The following RMST variants were observed in gnomAD, a reference collection of about 807,000 sequenced individuals.
RMST encodes long intergenic non-protein coding RNA 54.
chr12:97,489,397 T>C lies in RMST; in HGVS notation n.645-3064T>C, dbSNP rs145440773. On this transcript the variant is annotated intron_variant and non_coding_transcript_variant, in intron 5 of 13. Coordinates refer to ENST00000640149, the Ensembl canonical transcript of RMST. ...AGGAGATTAAGGCTGCAGTGAGCTG[T>C]GATCGTGCCACTGCACTCCAGCCTG... 7.7e-3 allele frequency among the ~76,000 whole-genome samples: 1,170 copies of C among 151,724 alleles called. 8 individuals carry two copies. Among genetic ancestry groups the C allele is most frequent in the Middle Eastern group, 0.034 (10 of 294 alleles).
intron 11 of RMST, among the ~76,000 whole-genome samples, chr12:97,547,116 T>C (rs1400724885): frequency 6.6e-6 from 1 of 151,322 alleles, no homozygotes; most frequent in East Asian, 1.9e-4. Flanking sequence ...ATAGAAAGAT[T>C]GAACTGGAGG....
At chr12:97,492,355 T>A (rs1876938388) in intron 5 of RMST, 1 of 153,506 alleles carries the variant, frequency 6.5e-6, no homozygotes, top group Admixed American at 6.4e-5. Flanking sequence ...CTGCTCTGCA[T>A]TTTCTTTTCT....
At chr12:97,560,985 G>A (rs2136673831) in exon 13 of RMST, 1 of 152,482 alleles carries the variant, frequency 6.6e-6, no homozygotes, top group Non-Finnish European at 1.5e-5. Flanking sequence ...TGAGAAAGTA[G>A]AGCTCGTGCT....
intron 10 of RMST, among the ~76,000 whole-genome samples, chr12:97,509,473 TAAA>T (rs1879057050): frequency 6.6e-6 from 1 of 152,162 alleles, no homozygotes; most frequent in South Asian, 2.1e-4. Flanking sequence ...GTAATTAGCA[TAAA>T]AAGAACCTCT....
chr12:97,531,333 TCTTGA>T (rs1012932619), intron 11 of RMST, among the ~76,000 whole-genome samples: 14 of 152,118 alleles, frequency 9.2e-5, no homozygotes, highest in South Asian at 4.1e-4. Flanking sequence ...AAAGCTAAGG[TCTTGA>T]CTTAAGTCGC....
chr12:97,538,394 G>T (rs756393170), intron 11 of RMST, among the ~76,000 whole-genome samples: 13 of 151,348 alleles, frequency 8.6e-5, no homozygotes, highest in Non-Finnish European at 1.0e-4. Context: ...TTTCTTGAAA[G>T]AAAGCGTTAA....
At chr12:97,551,851 A>C (rs1246283512) in intron 11 of RMST, 1 of 152,162 alleles carries the variant, frequency 6.6e-6, no homozygotes, top group African/African-American at 2.4e-5. Flanking sequence ...TGCTCTGGAG[A>C]GTCCTGTAAT....
chr12:97,562,670 G>C (rs1027430625), intron 13 of RMST, among the ~76,000 whole-genome samples: 3 of 152,218 alleles, frequency 2.0e-5, no homozygotes, highest in Admixed American at 1.3e-4. Flanking sequence ...AGTGCAACCT[G>C]AGATTAATGA....
At chr12:97,540,693 T>A (rs1882427481) in intron 11 of RMST, among the ~76,000 whole-genome samples, 2 of 151,688 alleles carry the variant, frequency 1.3e-5, no homozygotes, top group African/African-American at 4.8e-5. Context: ...TTTATAGTGG[T>A]GTTGTGAATG....
At chr12:97,523,812 T>G (rs1186978728) in intron 10 of RMST, among the ~76,000 whole-genome samples, 1 of 152,030 alleles carries the variant, frequency 6.6e-6, no homozygotes, top group Non-Finnish European at 1.5e-5. Flanking sequence ...GCGCAGTGGC[T>G]CATGCCTGCA....
At chr12:97,516,254 G>A (rs564000951) in intron 10 of RMST, among the ~76,000 whole-genome samples, 6 of 151,958 alleles carry the variant, frequency 3.9e-5, no homozygotes, top group Non-Finnish European at 7.4e-5. Context: ...AGAACCTAAT[G>A]CTTGCTCATA....
At chr12:97,498,937 T>C (rs1439989333) in intron 10 of RMST, among the ~76,000 whole-genome samples, 3 of 152,182 alleles carry the variant, frequency 2.0e-5, no homozygotes, top group African/African-American at 7.2e-5. Context: ...GACATTTGTC[T>C]GACAGTGTGA....
chr12:97,474,164 G>A (rs1194697519), intron 5 of RMST, among the ~76,000 whole-genome samples: 1 of 152,082 alleles, frequency 6.6e-6, no homozygotes, highest in Admixed American at 6.6e-5. Flanking sequence ...ATCCTATTAC[G>A]TGAAGGGACT....
chr12:97,560,229 A>G (rs543439886), intron 11 of RMST, among the ~76,000 whole-genome samples: 42 of 152,346 alleles, frequency 2.8e-4, no homozygotes, highest in African/African-American at 9.9e-4. Flanking sequence ...AAACACGTTC[A>G]TAATTAGAAG....
chr12:97,559,083 G>T (rs942497185), intron 11 of RMST, among the ~76,000 whole-genome samples: 3 of 132,604 alleles, frequency 2.3e-5, no homozygotes, highest in Non-Finnish European at 3.3e-5. Flanking sequence ...ATATGATTTC[G>T]AGGTTTCTCT....
At chr12:97,563,662 A>C in intron 13 of RMST, 1 of 406,040 alleles carries the variant, frequency 2.5e-6, no homozygotes, top group South Asian at 1.8e-5. Context: ...TGGAAGGATA[A>C]AATCTTGTTA....
At chr12:97,481,899 A>G (rs1431698224) in intron 5 of RMST, among the ~76,000 whole-genome samples, 1 of 152,212 alleles carries the variant, frequency 6.6e-6, no homozygotes, top group Non-Finnish European at 1.5e-5. Flanking sequence ...CTCTTTCCAC[A>G]TCCATCTCGA....
At chr12:97,536,645 A>G (rs1010065010) in intron 11 of RMST, among the ~76,000 whole-genome samples, 1 of 151,554 alleles carries the variant, frequency 6.6e-6, no homozygotes, top group Non-Finnish European at 1.5e-5. Flanking sequence ...AGGGACACTG[A>G]GCCCAGTACT....
intron 5 of RMST, among the ~76,000 whole-genome samples, chr12:97,474,416 T>C (rs1475930532): frequency 6.6e-6 from 1 of 152,070 alleles, no homozygotes; most frequent in Admixed American, 6.6e-5. Flanking sequence ...TTCATTTTGA[T>C]AGCCATTTGC....
Sources: allele counts gnomAD v4.1 joint callset (sites outside exome capture counted in the v4.1 genomes callset), GRCh38; gene constraint gnomAD v4.1.1; transcripts MANE v1.5; gene names NCBI Gene and HGNC (gene_info 2026-07-23, HGNC 2026-07-21).